ZYG11B: variants seen among roughly 807,000 people sequenced by gnomAD.
The protein encoded by ZYG11B is protein zyg-11 homolog B.
Under a neutral mutation model 82.4 loss-of-function variants are expected in ZYG11B, and 36 were observed. The observed-to-expected ratio is 0.44, with a 90% CI of 0.33 to 0.58. ZYG11B has a LOEUF of 0.58. Among genes scored for constraint, ZYG11B ranks in the 20% least tolerant of loss-of-function variants. The pLI, the probability that ZYG11B is intolerant of heterozygous loss-of-function variation, is 0.02. For synonymous variants in ZYG11B, 303 were observed against 312.8 expected, an observed-to-expected ratio of 0.97 and a Z score of 0.33; for missense variants, 552 against 895.6, an observed-to-expected ratio of 0.62 and a Z score of 4.90.
At chr1:52,815,091 G>T (rs1205658572) in intron 12 of ZYG11B, among the ~76,000 whole-genome samples, 1 of 152,162 alleles carries the variant, frequency 6.6e-6, no homozygotes, top group African/African-American at 2.4e-5. Flanking sequence ...TTGGGAGGTG[G>T]AGGTTGCAGT....
chr1:52,729,530 A>C (rs1644312733), intron 1 of ZYG11B, among the ~76,000 whole-genome samples: 1 of 152,232 alleles, frequency 6.6e-6, no homozygotes, highest in South Asian at 2.1e-4. Context: ...TTTGTAGATA[A>C]TAAATACAGT....
intron 10 of ZYG11B, chr1:52,805,250 G>C (rs2149961741): frequency 9.2e-6 from 3 of 326,042 alleles, no homozygotes; most frequent in South Asian, 7.9e-5. Context: ...ATTAGATTAT[G>C]GGAGGCATAG....
chr1:52,782,769 A>G (rs748789374), intron 4 of ZYG11B, among the ~76,000 whole-genome samples: 1 of 151,372 alleles, frequency 6.6e-6, no homozygotes, highest in Non-Finnish European at 1.5e-5. Flanking sequence ...GGGTCACACT[A>G]TGTTACACAG....
intron 5 of ZYG11B, 100 bp from the exon 6 acceptor site, chr1:52,789,903 A>T: frequency 1.3e-6 from 1 of 793,392 alleles, no homozygotes; most frequent in Non-Finnish European, 1.9e-6. Flanking sequence ...CTGGTGTTTC[A>T]TCAGTCTTCT....
At chr1:52,783,898 G>GTGTGTGTATACATCTATACATATA (rs1571776237) in intron 4 of ZYG11B, among the ~76,000 whole-genome samples, 91 of 98,714 alleles carry the variant, frequency 9.2e-4, no homozygotes, top group Middle Eastern at 5.6e-3. Context: ...ACATACACGT[G>GTGTGTGTATACATCTATACATATA]TGTGTATATA....
intron 12 of ZYG11B, among the ~76,000 whole-genome samples, chr1:52,815,591 G>T (rs867081810): frequency 1.3e-5 from 2 of 152,118 alleles, no homozygotes; most frequent in South Asian, 4.1e-4. Flanking sequence ...CTGCACTCCA[G>T]CCTGAGCAAC....
rs1484673184 is a variant in ZYG11B, at chr1:52,796,271, A to G, written c.1335-21A>G. ...CCTGGGCCTCCACGATTAATTCATG[A>G]AACCCTTTTTGTGTTTTCAGGTTTG... On this transcript the variant is annotated intron_variant, in intron 6 of 13. Transcript: ENST00000294353. 3.1e-6 allele frequency: 5 copies of G among 1,602,382 alleles called. No homozygotes were observed. In the Admixed American group the frequency reaches 8.4e-5, roughly 27 times the overall value.
In ZYG11B at chr1:52,796,787, A is replaced by G. The variant is rs1356491914; in HGVS notation, c.1485+3A>G. On this transcript the variant is annotated splice_donor_region_variant and intron_variant, in intron 8 of 13. Transcript: ENST00000294353. Reference sequence around the variant, plus strand: ...GTACTGAGCTCTTCATTGTCAGGGTAAGTCTATAATCTCCTCCATTCAGGC... The same window carrying G: ...GTACTGAGCTCTTCATTGTCAGGGTGAGTCTATAATCTCCTCCATTCAGGC... 4.5e-6 allele frequency: 7 copies of G among 1,554,932 alleles called. No individual in the cohort carries two copies. The highest frequency in any genetic ancestry group is 2.4e-5 in the East Asian group (1 of 40,836).
chr1:52,737,925 T>G (rs1395066696), intron 1 of ZYG11B, among the ~76,000 whole-genome samples: 1 of 152,264 alleles, frequency 6.6e-6, no homozygotes, highest in Non-Finnish European at 1.5e-5. Flanking sequence ...GTGAGAAATG[T>G]TAGATCAGAT....
chr1:52,785,603 C>T (rs1015577971), intron 5 of ZYG11B, among the ~76,000 whole-genome samples: 17 of 152,194 alleles, frequency 1.1e-4, no homozygotes, highest in African/African-American at 2.4e-4. Flanking sequence ...ATTACAGGCG[C>T]GCACCACCAC....
intron 13 of ZYG11B, among the ~76,000 whole-genome samples, chr1:52,820,361 A>AT (rs1425873372): frequency 6.6e-6 from 1 of 150,638 alleles, no homozygotes; most frequent in Non-Finnish European, 1.5e-5. Context: ...AAATGTTTTA[A>AT]TGTGGCTGGG....
rs1232248742 is a variant in ZYG11B at position 52,803,087 on chromosome 1, C to CATATAT, written c.1695+954_1695+959dup. Among the ~76,000 whole-genome samples the CATATAT allele has an allele frequency of 1.8e-4, 4 of 22,544 alleles. 1 individual carries two copies. Among genetic ancestry groups the CATATAT allele is most frequent in the Admixed American group, 7.2e-4 (1 of 1,382 alleles). The allele number at this position is 22,544 out of a possible 152,430, so 14.8% of individuals were successfully genotyped here. On this transcript the variant is annotated intron_variant, in intron 10 of 13. Transcript: ENST00000294353. ...TTGCCACTATATATATATATATACA[C>CATATAT]ATATATATATACATATATATATATA...
intron 1 of ZYG11B, among the ~76,000 whole-genome samples, chr1:52,742,692 A>G (rs1644440899): frequency 6.6e-6 from 1 of 151,888 alleles, no homozygotes; most frequent in African/African-American, 2.4e-5. Flanking sequence ...AATACAAAAA[A>G]TTAGCCGGGC....
At chr1:52,768,843 C>G (rs1311580911) in intron 2 of ZYG11B, among the ~76,000 whole-genome samples, 2 of 152,118 alleles carry the variant, frequency 1.3e-5, no homozygotes, top group Non-Finnish European at 2.9e-5. Flanking sequence ...ATCCATCCGC[C>G]TCGGCCTCCC....
chr1:52,763,148 G>A (rs946713841), intron 2 of ZYG11B, among the ~76,000 whole-genome samples: 2 of 151,834 alleles, frequency 1.3e-5, no homozygotes, highest in African/African-American at 4.8e-5. Context: ...GTTTCTGTGT[G>A]GTCTATGTGT....
At position 52,743,419 on chromosome 1, in the gene ZYG11B, AAAAAAGT is replaced by A. The variant is rs1160599458; in HGVS notation, c.31-13034_31-13028del. Among the ~76,000 whole-genome samples the A allele has an allele frequency of 4.6e-5, 7 of 150,900 alleles. No individual in the cohort carries two copies. The East Asian group carries it at 1.4e-3, about 31-fold the overall frequency. Reference sequence around the variant, plus strand: ...ATAAATACTAAAAAAAAAAAAAAAAAAAAAAGTAAAAGTTCATAAAATCGCTAAGAAA... The same window carrying A: ...ATAAATACTAAAAAAAAAAAAAAAAAAAAAGTTCATAAAATCGCTAAGAAA... On this transcript the variant is annotated intron_variant, in intron 1 of 13. Transcript: ENST00000294353.
At chr1:52,751,099 G>C (rs1221489353) in intron 1 of ZYG11B, among the ~76,000 whole-genome samples, 1 of 152,004 alleles carries the variant, frequency 6.6e-6, no homozygotes, top group Admixed American at 6.6e-5. Flanking sequence ...TCCCACTTCA[G>C]CTCCTGAGTA....
chr1:52,796,039 AT>A (rs1218547635), intron 6 of ZYG11B, among the ~76,000 whole-genome samples: 3 of 152,252 alleles, frequency 2.0e-5, no homozygotes, highest in Non-Finnish European at 4.4e-5. Flanking sequence ...ATATGTTATA[AT>A]TCTAGAAGAT....
intron 10 of ZYG11B, among the ~76,000 whole-genome samples, chr1:52,802,345 T>C (rs1645082702): frequency 1.6e-5 from 2 of 127,604 alleles, no homozygotes; most frequent in African/African-American, 7.9e-5. Flanking sequence ...TCTCTCTTTT[T>C]TTTTTTTTTT....
Sources: allele counts gnomAD v4.1 joint callset (sites outside exome capture counted in the v4.1 genomes callset), GRCh38; gene constraint gnomAD v4.1.1; transcripts MANE v1.5; gene names NCBI Gene and HGNC (gene_info 2026-07-23, HGNC 2026-07-21).